PDS5A: variants seen among roughly 807,000 people sequenced by gnomAD.
The protein encoded by PDS5A is PDS5 cohesin associated factor A.
In PDS5A, 42 loss-of-function variants were observed where a neutral mutation model predicts 167.1. The observed-to-expected ratio is 0.25, with a 90% CI of 0.20 to 0.33. The LOEUF is 0.33. Ranked by LOEUF, PDS5A falls within the 10% of genes least tolerant of loss-of-function variation. The pLI is 1.00. For missense variants in PDS5A, 1,033 were observed against 1,605.9 expected, an observed-to-expected ratio of 0.64 and a Z score of 6.10; for synonymous variants, 553 against 554.6, an observed-to-expected ratio of 1.00 and a Z score of 0.04.
chr4:39,856,212 A>C (rs977415948), intron 26 of PDS5A, among the ~76,000 whole-genome samples: 5 of 152,176 alleles, frequency 3.3e-5, no homozygotes, highest in Admixed American at 1.3e-4. Flanking sequence ...AAAACAAAAA[A>C]CAAAAAAACC....
intron 2 of PDS5A, among the ~76,000 whole-genome samples, chr4:39,961,577 A>T (rs6846488): frequency 0.067 from 10,158 of 152,146 alleles, 439 homozygotes; most frequent in Non-Finnish European, 0.095. Context: ...CCTTTTTAAT[A>T]GAGTCTGGGT....
Position 39,917,194 on chromosome 4 carries a change from A to G in PDS5A, c.736-6T>C. On this transcript the variant is annotated splice_region_variant and splice_polypyrimidine_tract_variant and intron_variant, in intron 7 of 32. Transcript: ENST00000303538. ...ACCAGGACTTGATTGAAAAACTGTA[A>G]GAGATATTAAAAACAAAAAGAAAAC... 6.5e-7 allele frequency: 1 copy of G among 1,527,762 alleles called. No individual in the cohort carries two copies. Among genetic ancestry groups the G allele is most frequent in the Non-Finnish European group, 8.7e-7 (1 of 1,143,766 alleles). The allele number at this position is 1,527,762 out of a possible 1,614,324, so 94.6% of individuals were successfully genotyped here.
At chr4:39,959,215 T>A (rs1003151923) in intron 2 of PDS5A, among the ~76,000 whole-genome samples, 1 of 152,204 alleles carries the variant, frequency 6.6e-6, no homozygotes, top group African/African-American at 2.4e-5. Context: ...CTTACTGAAC[T>A]AAATGCTGTT....
At chr4:39,919,652 AT>A (rs960096535) in intron 7 of PDS5A, among the ~76,000 whole-genome samples, 10 of 151,870 alleles carry the variant, frequency 6.6e-5, no homozygotes, top group South Asian at 2.1e-4. Context: ...CTCAAAAAAA[AT>A]TTTTTTTTCA....
intron 17 of PDS5A, among the ~76,000 whole-genome samples, chr4:39,884,470 C>G (rs183089345): frequency 3.9e-5 from 6 of 152,298 alleles, no homozygotes; most frequent in African/African-American, 1.4e-4. Flanking sequence ...CCACGATGTA[C>G]ATGTTGGAAA....
chr4:39,863,152 C>T (rs1180099276), intron 24 of PDS5A, 79 bp from the exon 25 acceptor site: 2 of 1,134,808 alleles, frequency 1.8e-6, no homozygotes, highest in Admixed American at 4.2e-5. Context: ...TTAGTGTCTT[C>T]AATTAAAAAG....
At chr4:39,859,247 A>C (rs1428430563) in intron 26 of PDS5A, among the ~76,000 whole-genome samples, 1 of 152,176 alleles carries the variant, frequency 6.6e-6, no homozygotes, top group African/African-American at 2.4e-5. Flanking sequence ...TAATTTCCAT[A>C]AAGTTATGTA....
At chr4:39,947,691 G>C (rs557522610) in intron 2 of PDS5A, among the ~76,000 whole-genome samples, 64 of 152,272 alleles carry the variant, frequency 4.2e-4, no homozygotes, top group African/African-American at 1.1e-3. Context: ...CACATTCAAA[G>C]CCATCCTGGG....
intron 2 of PDS5A, among the ~76,000 whole-genome samples, chr4:39,946,314 G>C (rs983449670): frequency 6.6e-6 from 1 of 151,860 alleles, no homozygotes; most frequent in Non-Finnish European, 1.5e-5. Flanking sequence ...GGCAGGAGCA[G>C]TGAGAGTTTA....
intron 2 of PDS5A, among the ~76,000 whole-genome samples, chr4:39,943,915 T>C (rs566593721): frequency 1.6e-4 from 24 of 151,904 alleles, no homozygotes; most frequent in Non-Finnish European, 2.6e-4. Flanking sequence ...TGGTGGCTCA[T>C]GCCTGTAATC....
rs1731097663 is a variant in PDS5A, at chr4:39,976,498, G to A, written c.80C>T (p.Pro27Leu). ...CTTGTCGGTGATCTCTTTTACCCCC[G>A]GAGGGTAAGCGATCTTCCCGTCGGC... ...VSADGKIAYP[P>L]GVKEITDKIT... is the part of the protein sequence containing the mutation. The change falls in exon 2 of 33, where the codon CCG becomes CTG. Residue 27 changes from proline to leucine, a missense_variant. Pro to Leu is a moderately conservative substitution (Grantham distance 98, BLOSUM62 -3). Transcript: ENST00000303538. The A allele has an allele frequency of 1.9e-5, 30 of 1,613,228 alleles. No individual in the cohort carries two copies. The highest frequency in any genetic ancestry group is 2.5e-5 in the Non-Finnish European group (29 of 1,179,306).
intron 17 of PDS5A, among the ~76,000 whole-genome samples, chr4:39,881,680 A>G (rs1720942114): frequency 1.3e-5 from 2 of 152,142 alleles, no homozygotes; most frequent in Admixed American, 1.3e-4. Context: ...CTTACCTGTT[A>G]GCAGGAACTC....
intron 2 of PDS5A, among the ~76,000 whole-genome samples, chr4:39,954,346 C>T (rs192855359): frequency 1.3e-5 from 2 of 151,932 alleles, no homozygotes. Flanking sequence ...GGTGACAGAG[C>T]GAGACCCTGT....
At chr4:39,910,036 C>G in intron 10 of PDS5A, 1 of 406,094 alleles carries the variant, frequency 2.5e-6, no homozygotes, top group Non-Finnish European at 4.4e-6. Context: ...GAAAGCCTTT[C>G]TCTTAAAATA....
At chr4:39,961,481 G>A (rs542581826) in intron 2 of PDS5A, among the ~76,000 whole-genome samples, 4 of 152,002 alleles carry the variant, frequency 2.6e-5, no homozygotes, top group South Asian at 2.1e-4. Flanking sequence ...GGCTGGTCTC[G>A]AACACCTGAC....
At chr4:39,926,921 A>G in intron 3 of PDS5A, 60 bp from the exon 4 acceptor site, 1 of 1,265,460 alleles carries the variant, frequency 7.9e-7, no homozygotes, top group East Asian at 3.0e-5. Context: ...CAACACACTA[A>G]TAGTATGTAA....
chr4:39,858,099 A>C (rs1718684593), intron 26 of PDS5A, among the ~76,000 whole-genome samples: 1 of 152,210 alleles, frequency 6.6e-6, no homozygotes, highest in Non-Finnish European at 1.5e-5. Flanking sequence ...GGTCTAAATA[A>C]ATGCAAAGAC....
chr4:39,883,206 G>T (rs1721111556), intron 17 of PDS5A, among the ~76,000 whole-genome samples: 1 of 151,948 alleles, frequency 6.6e-6, no homozygotes, highest in Non-Finnish European at 1.5e-5. Context: ...GAAGAAGATG[G>T]AGTCTCACTT....
chr4:39,976,566 G>A lies in PDS5A; in HGVS notation c.12C>T (p.Thr4=), dbSNP rs1022820068. 6 of 1,611,698 alleles carry A rather than the reference G, an allele frequency of 3.7e-6. No homozygotes were observed. In the Admixed American group the frequency reaches 5.0e-5, roughly 13 times the overall value. ...GGGCAGTGGCAGGCTTGGGCTGCGC[G>A]GTGAAGTCCATCCTGGGGGACAACT... MDF[T]AQPKPATALC... is the part of the protein sequence containing the mutation. The change falls in exon 2 of 33, where the codon ACC becomes ACT. Residue 4 remains threonine, a synonymous_variant. Coordinates refer to ENST00000303538, the MANE Select transcript of PDS5A (RefSeq NM_001100399.2).
Sources: gnomAD v4.1 joint callset for allele counts (sites outside exome capture counted in the v4.1 genomes callset) on GRCh38, gnomAD v4.1.1 for gene constraint, MANE v1.5 for transcripts, NCBI Gene and HGNC (gene_info 2026-07-23, HGNC 2026-07-21) for gene names.